Variants in SEMA3D observed in about 807,000 individuals in gnomAD.
SEMA3D encodes the protein semaphorin-3D.
A neutral mutation model predicts 100.1 loss-of-function variants in SEMA3D; 84 were observed. That is an observed-to-expected ratio of 0.84 (90% CI 0.70 to 1.01). The LOEUF (loss-of-function observed/expected upper bound fraction) is 1.01, where lower values mean the gene tolerates loss of function less well. Ranked by LOEUF, SEMA3D falls within the 50% of genes least tolerant of loss-of-function variation. The probability of loss-of-function intolerance (pLI) is 0.00; values close to 1 mark genes in which losing one functional copy is unlikely to be tolerated. For missense variants in SEMA3D, 875 were observed against 934.1 expected, an observed-to-expected ratio of 0.94 and a Z score of 0.82; for synonymous variants, 312 against 320.7, an observed-to-expected ratio of 0.97 and a Z score of 0.29.
At chr7:85,246,839 C>T in the SEMA3D span, among the ~76,000 whole-genome samples, 2 of 151,160 alleles carry the variant, frequency 1.3e-5, no homozygotes, top group Admixed American at 1.3e-4. Context: ...TGAGATGAGC[C>T]TCCGTATAGT....
chr7:85,220,328 TC>T, the SEMA3D span, among the ~76,000 whole-genome samples: 1 of 138,762 alleles, frequency 7.2e-6, no homozygotes, highest in South Asian at 2.2e-4. Context: ...AGTTTCAGGT[TC>T]CTTTTTTTTT....
At chr7:85,128,659 C>T (rs1208025066) in intron 2 of SEMA3D, among the ~76,000 whole-genome samples, 2 of 151,294 alleles carry the variant, frequency 1.3e-5, no homozygotes, top group Non-Finnish European at 2.9e-5. Flanking sequence ...TAATATTTCC[C>T]CAGAATTTAT....
chr7:85,105,188 C>T (rs116305602), intron 3 of SEMA3D, among the ~76,000 whole-genome samples: 1,813 of 152,114 alleles, frequency 0.012, 36 homozygotes, highest in African/African-American at 0.041. Flanking sequence ...CTGCCTTCCC[C>T]CTAAATTCAG....
chr7:85,095,246 A>G (rs1162800072), intron 4 of SEMA3D, among the ~76,000 whole-genome samples: 1 of 152,014 alleles, frequency 6.6e-6, no homozygotes, highest in Non-Finnish European at 1.5e-5. Context: ...GGATTTTGCT[A>G]TAATTTCTGG....
intron 15 of SEMA3D, 90 bp downstream of exon 15, chr7:85,018,162 C>A: frequency 1.2e-6 from 1 of 810,216 alleles, no homozygotes; most frequent in Middle Eastern, 2.4e-4. Flanking sequence ...AATTTAACTC[C>A]CAATTTCAAT....
chr7:85,143,329 T>A (rs745421749), intron 2 of SEMA3D: 35 of 362,214 alleles, frequency 9.7e-5, no homozygotes, highest in Admixed American at 1.3e-4. Flanking sequence ...ACAATGAGAA[T>A]ATGTTCTGAT....
the SEMA3D span, among the ~76,000 whole-genome samples, chr7:85,239,581 T>C: frequency 1.3e-5 from 2 of 152,194 alleles, no homozygotes; most frequent in African/African-American, 2.4e-5. Context: ...GACATTTCTA[T>C]GAGCTCCTAG....
chr7:85,145,874 AT>A (rs982977357), intron 2 of SEMA3D, among the ~76,000 whole-genome samples: 37 of 152,088 alleles, frequency 2.4e-4, no homozygotes, highest in African/African-American at 8.2e-4. Context: ...TCCCCTATAC[AT>A]TTTTTTCTTC....
chr7:85,188,181 G>A (rs1304635625), upstream of SEMA3D, among the ~76,000 whole-genome samples: 1 of 152,202 alleles, frequency 6.6e-6, no homozygotes, highest in African/African-American at 2.4e-5. Context: ...GTGGCAGAGG[G>A]CTGAGGGCCA....
intron 8 of SEMA3D, among the ~76,000 whole-genome samples, chr7:85,064,556 TAGAG>T (rs1791562048): frequency 6.6e-6 from 1 of 152,096 alleles, no homozygotes; most frequent in Non-Finnish European, 1.5e-5. Context: ...CACTGAGAGA[TAGAG>T]AGATAGACCC....
chr7:85,150,368 T>TATATTA (rs1554348719), intron 2 of SEMA3D, among the ~76,000 whole-genome samples: 2 of 130,036 alleles, frequency 1.5e-5, no homozygotes, highest in South Asian at 2.5e-4. Flanking sequence ...TATATATATA[T>TATATTA]TATATATATA....
chr7:85,144,704 A>G, intron 2 of SEMA3D: 1 of 984,600 alleles, frequency 1.0e-6, no homozygotes, highest in Non-Finnish European at 1.2e-6. Context: ...GTTTGTTCTT[A>G]TTTGTTCTCT....
chr7:85,186,004 A>G (rs1342500531), intron 1 of SEMA3D, among the ~76,000 whole-genome samples: 1 of 152,130 alleles, frequency 6.6e-6, no homozygotes. Context: ...TTTGACTCCA[A>G]CTTTCCCTCT....
chr7:85,220,589 C>A, the SEMA3D span, among the ~76,000 whole-genome samples: 1 of 151,982 alleles, frequency 6.6e-6, no homozygotes, highest in Non-Finnish European at 1.5e-5. Context: ...GCTAATTAAA[C>A]TTCTCTGGAT....
chr7:85,003,661 AATTATT>A (rs1415470043), intron 18 of SEMA3D, among the ~76,000 whole-genome samples: 2 of 151,988 alleles, frequency 1.3e-5, no homozygotes, highest in African/African-American at 4.8e-5. Flanking sequence ...ATGACATTAC[AATTATT>A]ATTAAATAAA....
chr7:85,040,276 C>A (rs936502133), intron 11 of SEMA3D, among the ~76,000 whole-genome samples: 1 of 152,008 alleles, frequency 6.6e-6, no homozygotes, highest in African/African-American at 2.4e-5. Flanking sequence ...GTGAGCCCAG[C>A]CTGCATATGC....
intron 2 of SEMA3D, among the ~76,000 whole-genome samples, chr7:85,152,818 G>A (rs991750657): frequency 6.6e-6 from 1 of 151,882 alleles, no homozygotes; most frequent in Admixed American, 6.6e-5. Context: ...ATAGTAGAAG[G>A]GACTACCATA....
intron 1 of SEMA3D, among the ~76,000 whole-genome samples, chr7:85,177,373 A>G (rs1216082522): frequency 1.3e-5 from 2 of 152,132 alleles, no homozygotes; most frequent in Non-Finnish European, 2.9e-5. Flanking sequence ...TATATTATAC[A>G]TATAACATTT....
intron 9 of SEMA3D, chr7:85,050,521 TA>T (rs1791134882): frequency 2.9e-6 from 1 of 341,512 alleles, no homozygotes; most frequent in African/African-American, 2.1e-5. Flanking sequence ...ATATTAAGTT[TA>T]AAAGATATTC....
Sources: allele counts gnomAD v4.1 joint callset (sites outside exome capture counted in the v4.1 genomes callset), GRCh38; gene constraint gnomAD v4.1.1; transcripts MANE v1.5; gene names NCBI Gene and HGNC (gene_info 2026-07-23, HGNC 2026-07-21).